PACSIN1: variants seen among roughly 807,000 people sequenced by gnomAD.
PACSIN1 encodes the protein protein kinase C and casein kinase substrate in neurons 1.
PACSIN1 carries 15 observed loss-of-function variants against 59.5 expected under a neutral mutation model. The observed-to-expected ratio is 0.25, with a 90% CI of 0.17 to 0.39. PACSIN1 has a LOEUF of 0.39. PACSIN1 is among the 10% of genes least tolerant of loss of function. PACSIN1 has a pLI of 1.00. For missense variants in PACSIN1, 420 were observed against 580.2 expected (o/e 0.72, Z 2.84); for synonymous variants, 210 against 220.6 (o/e 0.95, Z 0.42).
At chr6:34,501,253 T>A (rs890973263) in intron 1 of PACSIN1, among the ~76,000 whole-genome samples, 1 of 152,206 alleles carries the variant, frequency 6.6e-6, no homozygotes. Flanking sequence ...CTCCAATTTT[T>A]AAAAAAATTA....
intron 1 of PACSIN1, among the ~76,000 whole-genome samples, chr6:34,480,349 C>T (rs1225082715): frequency 6.6e-6 from 1 of 150,434 alleles, no homozygotes; most frequent in Admixed American, 6.6e-5. Context: ...CTCAGCCTCT[C>T]GAGTGGCTGG....
chr6:34,492,308 A>G (rs1355873252), intron 1 of PACSIN1, among the ~76,000 whole-genome samples: 1 of 144,528 alleles, frequency 6.9e-6, no homozygotes, highest in Non-Finnish European at 1.5e-5. Context: ...TCTTGGGTTC[A>G]GGCAATTCTC....
At position 34,530,452 on chromosome 6, in the gene PACSIN1, C is replaced by T. The variant is rs1767572746; in HGVS notation, c.910-8C>T. 1 of 1,597,558 alleles carries T rather than the reference C, an allele frequency of 6.3e-7. No individual in the cohort carries two copies. Among genetic ancestry groups the T allele is most frequent in the Admixed American group, 1.7e-5 (1 of 58,220 alleles). On this transcript the variant is annotated splice_region_variant and splice_polypyrimidine_tract_variant and intron_variant, in intron 7 of 9. Transcript: ENST00000244458. The surrounding 1 kb of genome is among the most constrained non-coding windows in gnomAD (Gnocchi z 4.4). ...CCCCCAGCCTGACTGCTCCACTGGCCCCACCAGGAGTGGAACCCAGACCTT... is the reference window on the plus strand; with the variant it reads ...CCCCCAGCCTGACTGCTCCACTGGCTCCACCAGGAGTGGAACCCAGACCTT...
At chr6:34,477,423 C>A (rs1430372042) in intron 1 of PACSIN1, among the ~76,000 whole-genome samples, 2 of 151,550 alleles carry the variant, frequency 1.3e-5, no homozygotes, top group African/African-American at 4.9e-5. Context: ...GAAAGAAAAT[C>A]ATGTCCATCT....
Position 34,527,441 on chromosome 6 carries a change from A to G in PACSIN1, c.173A>G (p.Gln58Arg). The change falls in exon 3 of 10, where the codon CAG (glutamine) becomes CGG (arginine). Residue 58 changes from glutamine (Q) to arginine (R), a missense_variant. Physicochemically the swap from Gln to Arg is conservative, Grantham distance 43. Transcript: ENST00000244458. Reference protein sequence around the residue: ...ERAKIEKAYGQQLTDWAKRWR... With the variant: ...ERAKIEKAYGRQLTDWAKRWR... ...GCCAAGATCGAGAAGGCGTACGGGC[A>G]GCAGCTCACCGACTGGGCCAAGCGT... 6.3e-7 allele frequency: 1 copy of G among 1,598,716 alleles called. No homozygotes were observed. Among genetic ancestry groups the G allele is most frequent in the Non-Finnish European group, 8.5e-7 (1 of 1,174,100 alleles).
chr6:34,526,948 C>G (rs1767495852), intron 2 of PACSIN1, among the ~76,000 whole-genome samples: 3 of 152,200 alleles, frequency 2.0e-5, no homozygotes, highest in Admixed American at 2.0e-4. Flanking sequence ...CAAGAAGCTG[C>G]AGCTCAACTC....
intron 1 of PACSIN1, among the ~76,000 whole-genome samples, chr6:34,474,618 C>T (rs1371405318): frequency 1.3e-5 from 2 of 151,904 alleles, no homozygotes; most frequent in South Asian, 2.1e-4. Context: ...GGTGAAACCC[C>T]ATCTGTACTA....
In PACSIN1 at chr6:34,526,290, C is replaced by T. The variant is rs1309515909; in HGVS notation, c.-16C>T. ...AACCGCAGCTCCGCACTTGTCCATC[C>T]CCCTGCGGCTACACCATGTCCAGCT... On this transcript the variant is annotated 5_prime_UTR_variant, in exon 2 of 10. Transcript: ENST00000244458. 1.2e-6 allele frequency: 2 copies of T among 1,610,354 alleles called. No individual in the cohort carries two copies. The highest frequency in any genetic ancestry group is 1.7e-6 in the Non-Finnish European group (2 of 1,178,884).
chr6:34,481,538 C>T (rs1289049097), intron 1 of PACSIN1, among the ~76,000 whole-genome samples: 1 of 151,924 alleles, frequency 6.6e-6, no homozygotes, highest in Non-Finnish European at 1.5e-5. Context: ...GGCGTGGTGG[C>T]GAGCGCCTGT....
At chr6:34,479,461 T>C (rs1368633305) in intron 1 of PACSIN1, among the ~76,000 whole-genome samples, 8 of 152,172 alleles carry the variant, frequency 5.3e-5, no homozygotes, top group Non-Finnish European at 1.2e-4. Context: ...TCTTTCTTTT[T>C]TGAGACAGGG....
In PACSIN1 at chr6:34,514,379, C is replaced by T. The variant is rs1292799652; in HGVS notation, c.-63-11864C>T. Among the ~76,000 whole-genome samples the T allele has an allele frequency of 6.6e-6, 1 of 151,904 alleles. No homozygotes were observed. Among genetic ancestry groups the T allele is most frequent in the Non-Finnish European group, 1.5e-5 (1 of 67,990 alleles). On this transcript the variant is annotated intron_variant, in intron 1 of 9. Transcript: ENST00000244458. The surrounding 1 kb of genome is among the most constrained non-coding windows in gnomAD (Gnocchi z 4.4). The stretch of plus-strand genomic sequence containing the variant: ...CAAATGGGTATGAAGCCTTATGGCA[C>T]GAGGTTGTGCATGAGCATCTCTCAC...
chr6:34,520,776 C>G (rs946940664), intron 1 of PACSIN1, among the ~76,000 whole-genome samples: 2 of 151,552 alleles, frequency 1.3e-5, no homozygotes, highest in African/African-American at 2.4e-5. Flanking sequence ...ACCCTGGAAC[C>G]GGGCCCTGAG....
At position 34,516,357 on chromosome 6, in the gene PACSIN1, C is replaced by T. The variant is rs72898492; in HGVS notation, c.-63-9886C>T. Reference sequence around the variant, plus strand: ...GACTCAGGGGCTCCCACTTTGGGATCAAGGGCCTAGGAGGGAGAAGGGCAG... The same window carrying T: ...GACTCAGGGGCTCCCACTTTGGGATTAAGGGCCTAGGAGGGAGAAGGGCAG... On this transcript the variant is annotated intron_variant, in intron 1 of 9. Transcript: ENST00000244458. This position sits in a 1 kb window ranked among gnomAD's most constrained non-coding sequence, Gnocchi z 5.4. 0.031 allele frequency among the ~76,000 whole-genome samples: 4,694 copies of T among 152,266 alleles called. 113 individuals carry two copies. The highest frequency in any genetic ancestry group is 0.046 in the South Asian group (224 of 4,822).
In PACSIN1 at chr6:34,527,498, C is replaced by G. The variant is rs760201225; in HGVS notation, c.220+10C>G. ...CAGCTCATCGAGAAAGGTGCTCCCCCAGGCTCACATCGTGCGCGCCCCCAG... is the reference window on the plus strand; with the variant it reads ...CAGCTCATCGAGAAAGGTGCTCCCCGAGGCTCACATCGTGCGCGCCCCCAG... On this transcript the variant is annotated intron_variant, in intron 3 of 9. Transcript: ENST00000244458. 2.5e-6 allele frequency: 4 copies of G among 1,583,044 alleles called. No homozygotes were observed. The highest frequency in any genetic ancestry group is 3.4e-6 in the Non-Finnish European group (4 of 1,166,710).
chr6:34,480,216 C>T (rs116842201), intron 1 of PACSIN1, among the ~76,000 whole-genome samples: 1,543 of 140,162 alleles, frequency 0.011, 41 homozygotes, highest in East Asian at 0.1. Context: ...TTTTCTTTTC[C>T]TTCTTTCTTT....
At chr6:34,466,627 G>A (rs1262851036) in intron 1 of PACSIN1, among the ~76,000 whole-genome samples, 1 of 152,210 alleles carries the variant, frequency 6.6e-6, no homozygotes, top group East Asian at 1.9e-4. Context: ...GGGGTGGGTG[G>A]GCTGGTGCCA....
chr6:34,474,875 T>C (rs1188332056), intron 1 of PACSIN1, among the ~76,000 whole-genome samples: 1 of 147,926 alleles, frequency 6.8e-6, no homozygotes, highest in East Asian at 2.1e-4. Context: ...CCTTCTCTCA[T>C]ACATCCTAGC....
rs1239537615 is a variant in PACSIN1 at position 34,535,206 on chromosome 6, A to T, written c.*2676A>T. ...GTTGTGATTGTATGACTGTGGATAAAATCCAGAACTGTGTCAACCTGGCTG... is the reference window on the plus strand; with the variant it reads ...GTTGTGATTGTATGACTGTGGATAATATCCAGAACTGTGTCAACCTGGCTG... On this transcript the variant is annotated 3_prime_UTR_variant, in exon 10 of 10. Coordinates refer to ENST00000244458, the MANE Select transcript of PACSIN1 (RefSeq NM_020804.5). 3 of 152,206 alleles carry T rather than the reference A, an allele frequency of 2.0e-5. No homozygotes were observed. The highest frequency in any genetic ancestry group is 4.4e-5 in the Non-Finnish European group (3 of 68,044). The allele number at this position is 152,206 out of a possible 1,614,324, so 9.4% of individuals were successfully genotyped here. A position where few individuals can be genotyped will look rare whatever the true frequency, so the allele number is the denominator to read the frequency against.
intron 1 of PACSIN1, among the ~76,000 whole-genome samples, chr6:34,498,211 G>A (rs1286419894): frequency 3.9e-5 from 6 of 151,962 alleles, no homozygotes; most frequent in Admixed American, 6.6e-5. Flanking sequence ...ACAGGTGCGC[G>A]CCGCCACGCC....
Sources: allele counts gnomAD v4.1 joint callset (sites outside exome capture counted in the v4.1 genomes callset), GRCh38; gene constraint gnomAD v4.1.1; non-coding constraint Gnocchi (gnomAD v3.1); transcripts MANE v1.5; gene names NCBI Gene and HGNC (gene_info 2026-07-23, HGNC 2026-07-21).